Variants in SAMD5 observed in about 807,000 individuals in gnomAD.
SAMD5 encodes the protein sterile alpha motif domain containing 5.
Under a neutral mutation model 11.3 loss-of-function variants are expected in SAMD5, and 13 were observed. The ratio of observed to expected loss-of-function variants is 1.15; its 90% confidence interval spans 0.75 to 1.83. The LOEUF (loss-of-function observed/expected upper bound fraction) is 1.83. SAMD5 is among the 40% of genes most tolerant of loss of function. The pLI is 0.00. For synonymous variants in SAMD5, 129 were observed against 111.3 expected (o/e 1.16, Z -1.00); for missense variants, 255 against 239.1 (o/e 1.07, Z -0.44).
chr6:147,779,591 G>A, the SAMD5 span, among the ~76,000 whole-genome samples: 22 of 152,014 alleles, frequency 1.4e-4, no homozygotes, highest in South Asian at 4.2e-3. Flanking sequence ...TGCCTCCTGG[G>A]TTCAAGCGAT....
the SAMD5 span, among the ~76,000 whole-genome samples, chr6:147,806,448 A>G: frequency 0.44 from 67,039 of 152,054 alleles, 16,862 homozygotes; most frequent in African/African-American, 0.7. Context: ...ACATCTTTCT[A>G]GTGGAGCCAT....
At chr6:147,911,563 C>A in the SAMD5 span, among the ~76,000 whole-genome samples, 8 of 152,304 alleles carry the variant, frequency 5.3e-5, no homozygotes, top group South Asian at 1.7e-3. Flanking sequence ...TCTGGCCAGT[C>A]CTTTCCCTGT....
At chr6:147,895,211 A>C in the SAMD5 span, among the ~76,000 whole-genome samples, 3,740 of 152,272 alleles carry the variant, frequency 0.025, 160 homozygotes, top group African/African-American at 0.086. Context: ...TGTCATTTAG[A>C]GGTGACAAAG....
chr6:147,800,941 A>G, the SAMD5 span, among the ~76,000 whole-genome samples: 3 of 152,190 alleles, frequency 2.0e-5, no homozygotes, highest in Non-Finnish European at 4.4e-5. Context: ...TGATAAGGGC[A>G]TATAAAAATA....
At chr6:147,697,674 G>A (rs768464985) in intron 1 of SAMD5, among the ~76,000 whole-genome samples, 2 of 152,126 alleles carry the variant, frequency 1.3e-5, no homozygotes, top group Non-Finnish European at 2.9e-5. Flanking sequence ...ATGTAACAAC[G>A]TGTAAGAAAG....
the SAMD5 span, among the ~76,000 whole-genome samples, chr6:147,830,349 C>A: frequency 6.7e-6 from 1 of 148,572 alleles, no homozygotes; most frequent in Admixed American, 6.8e-5. Flanking sequence ...CTCCACTTCC[C>A]GGGTTCAAGC....
the SAMD5 span, among the ~76,000 whole-genome samples, chr6:147,770,272 C>T: frequency 2.0e-5 from 3 of 152,148 alleles, no homozygotes; most frequent in Admixed American, 2.0e-4. Context: ...TAAAAAAAAT[C>T]TAGTGTCGAT....
the SAMD5 span, among the ~76,000 whole-genome samples, chr6:147,893,827 G>T: frequency 1.4e-4 from 22 of 152,150 alleles, no homozygotes; most frequent in Non-Finnish European, 1.0e-4. Flanking sequence ...TACTCAGGTG[G>T]AGGTAATTTT....
the SAMD5 span, among the ~76,000 whole-genome samples, chr6:147,829,003 G>A: frequency 1.3e-5 from 2 of 152,252 alleles, no homozygotes; most frequent in African/African-American, 2.4e-5. Flanking sequence ...AAGGAGCTAC[G>A]ATCAAAGTCT....
intron 1 of SAMD5, among the ~76,000 whole-genome samples, chr6:147,691,060 C>T (rs114119807): frequency 6.6e-6 from 1 of 150,834 alleles, no homozygotes. Context: ...AATGGCACAA[C>T]CTTAGCTTAC....
At chr6:147,550,287 A>T (rs972107461) in intron 1 of SAMD5, among the ~76,000 whole-genome samples, 4 of 152,158 alleles carry the variant, frequency 2.6e-5, no homozygotes, top group African/African-American at 9.7e-5. Context: ...GAAAGGGAAC[A>T]TTTATACTCT....
intron 1 of SAMD5, among the ~76,000 whole-genome samples, chr6:147,588,288 A>ATTTT (rs887347475): frequency 1.4e-5 from 2 of 142,654 alleles, no homozygotes; most frequent in African/African-American, 5.2e-5. Flanking sequence ...AATATCGGCC[A>ATTTT]TTTTTTTTTC....
At chr6:147,894,186 C>T in the SAMD5 span, among the ~76,000 whole-genome samples, 2 of 149,512 alleles carry the variant, frequency 1.3e-5, no homozygotes, top group African/African-American at 4.9e-5. Context: ...TGCAGTGGCA[C>T]AATCTCCGCT....
chr6:147,864,683 A>C, the SAMD5 span, among the ~76,000 whole-genome samples: 1 of 152,246 alleles, frequency 6.6e-6, no homozygotes, highest in African/African-American at 2.4e-5. Flanking sequence ...GTGGTGTGTG[A>C]ATATAAGCCT....
intron 1 of SAMD5, among the ~76,000 whole-genome samples, chr6:147,654,237 G>A (rs1423709559): frequency 6.6e-6 from 1 of 152,170 alleles, no homozygotes; most frequent in Admixed American, 6.5e-5. Flanking sequence ...ATGGTCTGTA[G>A]GTGGTGATGT....
the SAMD5 span, among the ~76,000 whole-genome samples, chr6:147,844,628 T>C: frequency 5.3e-5 from 8 of 151,310 alleles, no homozygotes; most frequent in African/African-American, 1.9e-4. Flanking sequence ...TAAAATGTAG[T>C]ATGTAAACAC....
At chr6:147,734,872 C>T (rs1341169677) in intron 1 of SAMD5, among the ~76,000 whole-genome samples, 1 of 151,908 alleles carries the variant, frequency 6.6e-6, no homozygotes, top group Non-Finnish European at 1.5e-5. Context: ...GGTAAGGCAC[C>T]TAGGCTGGAA....
intron 1 of SAMD5, among the ~76,000 whole-genome samples, chr6:147,547,745 G>A (rs1180704639): frequency 6.6e-6 from 1 of 152,062 alleles, no homozygotes; most frequent in Non-Finnish European, 1.5e-5. Flanking sequence ...CGAAACGGAG[G>A]GGATTACACA....
chr6:147,934,515 G>C, the SAMD5 span, among the ~76,000 whole-genome samples: 2 of 152,130 alleles, frequency 1.3e-5, no homozygotes, highest in Non-Finnish European at 2.9e-5. Flanking sequence ...TGCATGAAAT[G>C]GAAGAAATTT....
Sources: gnomAD v4.1 joint callset for allele counts (sites outside exome capture counted in the v4.1 genomes callset) on GRCh38, gnomAD v4.1.1 for gene constraint, MANE v1.5 for transcripts, NCBI Gene and HGNC (gene_info 2026-07-23, HGNC 2026-07-21) for gene names.